Variants in KCTD15 observed in about 807,000 individuals in gnomAD.
KCTD15 encodes potassium channel tetramerization domain containing 15, also known as BTB/POZ domain-containing protein KCTD15.
A neutral mutation model predicts 27.2 loss-of-function variants in KCTD15; 11 were observed. The ratio of observed to expected loss-of-function variants is 0.41; its 90% CI spans 0.25 to 0.67. The LOEUF is 0.67. Among genes scored for constraint, KCTD15 ranks in the 30% least tolerant of loss-of-function variants. The probability of loss-of-function intolerance (pLI) is 0.35; values close to 1 mark genes in which losing one functional copy is unlikely to be tolerated. For synonymous variants in KCTD15, 163 were observed against 176.0 expected (o/e 0.93, Z 0.58); for missense variants, 350 against 409.3 (o/e 0.86, Z 1.25).
chr19:33,800,315 A>C (rs1407717144), intron 2 of KCTD15, 113 bp from the exon 3 acceptor site: 1 of 819,888 alleles, frequency 1.2e-6, no homozygotes, highest in African/African-American at 1.7e-5. Context: ...GGCTGCATGG[A>C]CCTCGCAGGG....
At chr19:33,797,144 C>G (rs1975343861) in intron 1 of KCTD15, among the ~76,000 whole-genome samples, 157 bp downstream of exon 1, 1 of 151,836 alleles carries the variant, frequency 6.6e-6, no homozygotes, top group Admixed American at 6.6e-5. Context: ...GCGGGGGTGC[C>G]CAGCACAAAG....
intron 4 of KCTD15, among the ~76,000 whole-genome samples, chr19:33,806,128 A>T (rs1975704974): frequency 6.6e-6 from 1 of 152,148 alleles, no homozygotes; most frequent in Non-Finnish European, 1.5e-5. Flanking sequence ...GTGTTGTGGC[A>T]TGTGTGCAAG....
At chr19:33,810,733 T>C (rs2145490270) in intron 5 of KCTD15, among the ~76,000 whole-genome samples, 1 of 149,674 alleles carries the variant, frequency 6.7e-6, no homozygotes, top group Middle Eastern at 3.5e-3. Context: ...TAGTGAGGTA[T>C]AGAGGTTTAG....
Position 33,813,202 on chromosome 19 carries a change from T to C in KCTD15, c.*254T>C, listed in dbSNP as rs1599693258. The C allele has an allele frequency of 1.6e-6, 1 of 632,550 alleles. No homozygotes were observed. The highest frequency in any genetic ancestry group is 2.9e-6 in the Non-Finnish European group (1 of 347,760). The allele number at this position is 632,550 out of a possible 1,614,324, so 39.2% of individuals were successfully genotyped here. A position where few individuals can be genotyped will look rare whatever the true frequency, so the allele number is the denominator to read the frequency against. On this transcript the variant is annotated 3_prime_UTR_variant, in exon 7 of 7. Coordinates refer to ENST00000683859, the MANE Select transcript of KCTD15 (RefSeq NM_001129994.2). ...CTCTGCTGCCAGCTCTCCCAGCCCCTCAGCTTCGCAGCCTGGCGCAGCATC... is the reference window on the plus strand; with the variant it reads ...CTCTGCTGCCAGCTCTCCCAGCCCCCCAGCTTCGCAGCCTGGCGCAGCATC...
chr19:33,810,206 C>G (rs1043914665), intron 5 of KCTD15, among the ~76,000 whole-genome samples: 1 of 152,148 alleles, frequency 6.6e-6, no homozygotes, highest in African/African-American at 2.4e-5. Flanking sequence ...CCAGTATCAG[C>G]GCCTGAGGGA....
upstream of KCTD15, among the ~76,000 whole-genome samples, chr19:33,794,958 C>T (rs1278544639): frequency 6.6e-6 from 1 of 152,214 alleles, no homozygotes; most frequent in Non-Finnish European, 1.5e-5. Flanking sequence ...CCGGAGGTAC[C>T]GGGGCGTAGG....
chr19:33,795,625 C>G (rs910786177), upstream of KCTD15, among the ~76,000 whole-genome samples: 1 of 151,988 alleles, frequency 6.6e-6, no homozygotes, highest in African/African-American at 2.4e-5. Context: ...TTCCTAGGAG[C>G]CGGGAAATGG....
At chr19:33,810,825 G>T (rs919948176) in intron 5 of KCTD15, among the ~76,000 whole-genome samples, 2 of 151,936 alleles carry the variant, frequency 1.3e-5, no homozygotes, top group Non-Finnish European at 2.9e-5. Flanking sequence ...TTGCTTCCGG[G>T]TAGGCTGTGA....
intron 4 of KCTD15, among the ~76,000 whole-genome samples, chr19:33,803,395 G>A (rs2145451972): frequency 6.6e-6 from 1 of 152,346 alleles, no homozygotes; most frequent in Non-Finnish European, 1.5e-5. Flanking sequence ...TAGTGTCACT[G>A]ATCTAGGAGA....
chr19:33,812,043 G>A, intron 6 of KCTD15: 1 of 1,402,682 alleles, frequency 7.1e-7, no homozygotes, highest in Non-Finnish European at 9.2e-7. Context: ...GATGGAGTGA[G>A]GGCCTATTTT....
rs1975897704 is a variant in KCTD15, at chr19:33,811,244, C to T, written c.388-3C>T. 2 of 1,500,712 alleles carry T rather than the reference C, an allele frequency of 1.3e-6. No homozygotes were observed. Among genetic ancestry groups the T allele is most frequent in the African/African-American group, 1.4e-5 (1 of 72,512 alleles). 93.0% of individuals were successfully genotyped at this position (1,500,712 alleles called of 1,614,324 possible). On this transcript the variant is annotated splice_polypyrimidine_tract_variant and splice_region_variant and intron_variant, in intron 5 of 6. Coordinates refer to ENST00000683859, the MANE Select transcript of KCTD15 (RefSeq NM_001129994.2). ...CATCAACACCCTGTGCGCCTGTCCC[C>T]AGGACTTCAGTCTGCTGTACGAGGA...
At chr19:33,811,212 A>C in intron 5 of KCTD15, 35 bp from the exon 6 acceptor site, 15 of 845,612 alleles carry the variant, frequency 1.8e-5, no homozygotes, top group Middle Eastern at 4.9e-4. Context: ...CCCTACTCCG[A>C]CACCCACATC....
At position 33,802,738 on chromosome 19, in the gene KCTD15, C is replaced by T. The variant is rs866156618; in HGVS notation, c.242+1396C>T. Among the ~76,000 whole-genome samples, 6 of 152,228 alleles carry T rather than the reference C, an allele frequency of 3.9e-5. No individual in the cohort carries two copies. The South Asian group carries it at 6.2e-4, about 16-fold the overall frequency. ...TATTTAATTTCCATTTTGCCTTCTG[C>T]GGCATTTCTGAGTTGTTTGAGATAG... On this transcript the variant is annotated intron_variant, in intron 4 of 6. Coordinates refer to ENST00000683859, the MANE Select transcript of KCTD15 (RefSeq NM_001129994.2).
chr19:33,803,330 G>A (rs1426663981), intron 4 of KCTD15, among the ~76,000 whole-genome samples: 2 of 152,184 alleles, frequency 1.3e-5, no homozygotes, highest in Non-Finnish European at 2.9e-5. Flanking sequence ...TTCCTGTAGT[G>A]GATTATTATA....
At chr19:33,812,571 G>A (rs1975959752) in intron 6 of KCTD15, 2 of 1,268,346 alleles carry the variant, frequency 1.6e-6, no homozygotes, top group Non-Finnish European at 2.0e-6. Context: ...AACTAGGTTT[G>A]CTAACCTGAG....
chr19:33,803,662 G>C (rs1453638127), intron 4 of KCTD15, among the ~76,000 whole-genome samples: 2 of 152,010 alleles, frequency 1.3e-5, no homozygotes, highest in Non-Finnish European at 2.9e-5. Context: ...GGGGCTGGGA[G>C]TGGATTCCCT....
intron 5 of KCTD15, 99 bp from the exon 6 acceptor site, chr19:33,811,148 G>A: frequency 1.9e-6 from 2 of 1,033,922 alleles, no homozygotes; most frequent in Non-Finnish European, 1.4e-6. Context: ...CGCAGTTCCT[G>A]CAGAATTGGT....
At chr19:33,811,589 C>T (rs1185902820) in intron 6 of KCTD15, 37 bp downstream of exon 6, 20 of 1,573,048 alleles carry the variant, frequency 1.3e-5, no homozygotes, top group Non-Finnish European at 1.7e-5. Context: ...CGCCGCACCC[C>T]CGGCGTCCGC....
rs201658339 is a variant in KCTD15 at position 33,811,380 on chromosome 19, C to T, written c.521C>T (p.Thr174Met). ...RACDCLVVRV[T>M]PDLGERIALS... The stretch of plus-strand genomic sequence containing the variant: ...TGTGACTGCCTGGTGGTGCGCGTCA[C>T]GCCCGACTTGGGCGAGCGGATCGCA... Residue 174 changes from threonine (T) to methionine (M), a missense_variant, in exon 6 of 7, where the codon ACG (threonine) becomes ATG (methionine). Around this residue, in one of 3 missense-constraint regions of KCTD15, gnomAD observed 219 missense variants for 234.9 expected, o/e 0.93. Coordinates refer to ENST00000683859, the MANE Select transcript of KCTD15 (RefSeq NM_001129994.2). 4.5e-5 allele frequency: 71 copies of T among 1,595,052 alleles called. No individual in the cohort carries two copies. The Middle Eastern group carries it at 1.8e-3, about 41-fold the overall frequency.
Sources: allele counts gnomAD v4.1 joint callset (sites outside exome capture counted in the v4.1 genomes callset), GRCh38; gene constraint gnomAD v4.1.1; regional missense constraint gnomAD v4.1.1; transcripts MANE v1.5; gene names NCBI Gene and HGNC (gene_info 2026-07-23, HGNC 2026-07-21).